Variants in RALYL observed in about 807,000 individuals in gnomAD.
The protein encoded by RALYL is RNA-binding Raly-like protein.
In RALYL, 29 loss-of-function variants were observed where a neutral mutation model predicts 35.1. That is an observed-to-expected ratio of 0.83 (90% CI 0.61 to 1.13). The LOEUF (loss-of-function observed/expected upper bound fraction) is 1.13, where lower values mean the gene tolerates loss of function less well. RALYL is among the 50% of genes most tolerant of loss of function. The pLI is 0.00. For missense variants in RALYL, 359 were observed against 360.4 expected (o/e 1.00, Z 0.03); for synonymous variants, 120 against 127.6 (o/e 0.94, Z 0.40).
At chr8:84,761,625 C>T (rs1310147600) in intron 2 of RALYL, among the ~76,000 whole-genome samples, 1 of 152,050 alleles carries the variant, frequency 6.6e-6, no homozygotes, top group African/African-American at 2.4e-5. Context: ...CACTTTTTAC[C>T]TTCCACAGCA....
Position 84,432,540 on chromosome 8 carries a change from C to T in RALYL, c.-23-96759C>T, listed in dbSNP as rs2047255812. On this transcript the variant is annotated intron_variant, in intron 1 of 8. Transcript: ENST00000521268. The stretch of plus-strand genomic sequence containing the variant: ...TGTTAAATGTTCTCACCACAATAAT[C>T]TGCATGGGTTGAATTGTGTCCCCCA... 3.9e-5 allele frequency among the ~76,000 whole-genome samples: 6 copies of T among 152,202 alleles called. No individual in the cohort carries two copies. The South Asian group carries it at 1.2e-3, about 32-fold the overall frequency.
chr8:84,577,274 G>C lies in RALYL; in HGVS notation c.256+47697G>C, dbSNP rs548063323. Among the ~76,000 whole-genome samples, 74 of 152,314 alleles carry C rather than the reference G, an allele frequency of 4.9e-4. 3 individuals carry two copies. The South Asian group carries it at 0.013, about 27-fold the overall frequency. ...GTACATTCACAAAGTTCAAGTAGTT[G>C]ATTGACTGAAGCTGAGCAGGAAAGG... is the stretch of plus-strand genomic sequence containing the variant. On this transcript the variant is annotated intron_variant, in intron 2 of 8. Coordinates refer to ENST00000521268, the MANE Select transcript of RALYL (RefSeq NM_173848.7).
At chr8:84,592,615 C>T (rs900222618) in intron 2 of RALYL, among the ~76,000 whole-genome samples, 7 of 151,998 alleles carry the variant, frequency 4.6e-5, no homozygotes, top group Admixed American at 2.6e-4. Flanking sequence ...TACTATTGAG[C>T]AAAGCTAATT....
intron 2 of RALYL, among the ~76,000 whole-genome samples, chr8:84,720,821 A>T (rs1843755750): frequency 6.6e-6 from 1 of 152,114 alleles, no homozygotes; most frequent in Admixed American, 6.6e-5. Context: ...TTAATAATGA[A>T]CAAAAGATCT....
At chr8:84,603,553 A>G (rs1816450391) in intron 2 of RALYL, among the ~76,000 whole-genome samples, 2 of 152,114 alleles carry the variant, frequency 1.3e-5, no homozygotes, top group Non-Finnish European at 2.9e-5. Flanking sequence ...TTGGCTTCAC[A>G]GTCACACCGT....
intron 2 of RALYL, among the ~76,000 whole-genome samples, chr8:84,668,689 T>C (rs1258279633): frequency 6.6e-6 from 1 of 152,118 alleles, no homozygotes; most frequent in East Asian, 1.9e-4. Context: ...GGTGAGTGGA[T>C]GTGAGGAAAG....
At chr8:84,752,224 G>A (rs181468223) in intron 2 of RALYL, among the ~76,000 whole-genome samples, 573 of 152,278 alleles carry the variant, frequency 3.8e-3, no homozygotes, top group African/African-American at 0.013. Flanking sequence ...CCTGCTCTAG[G>A]GATCTGCGGA....
intron 1 of RALYL, among the ~76,000 whole-genome samples, chr8:84,450,379 C>A (rs1483803908): frequency 1.3e-5 from 2 of 151,530 alleles, no homozygotes; most frequent in South Asian, 2.1e-4. Flanking sequence ...GCAGTAATGC[C>A]CTCTGAGAAG....
At chr8:84,247,723 G>C (rs1236699242) in intron 1 of RALYL, among the ~76,000 whole-genome samples, 2 of 152,100 alleles carry the variant, frequency 1.3e-5, no homozygotes, top group African/African-American at 4.8e-5. Context: ...ACCCCTTCAA[G>C]TGTAATAATA....
intron 1 of RALYL, among the ~76,000 whole-genome samples, chr8:84,228,154 CAAAAAAAAAA>C (rs57543989): frequency 1.6e-5 from 2 of 123,796 alleles, no homozygotes; most frequent in South Asian, 2.6e-4. Flanking sequence ...AATAGTCTAG[CAAAAAAAAAA>C]AAAAAAAAAA....
chr8:84,839,274 A>G (rs1832684925), intron 4 of RALYL, among the ~76,000 whole-genome samples: 1 of 152,210 alleles, frequency 6.6e-6, no homozygotes, highest in Non-Finnish European at 1.5e-5. Context: ...CCACCCTAAT[A>G]CTGCGCTTTT....
At chr8:84,452,927 T>C (rs1227183201) in intron 1 of RALYL, among the ~76,000 whole-genome samples, 1 of 151,976 alleles carries the variant, frequency 6.6e-6, no homozygotes, top group African/African-American at 2.4e-5. Flanking sequence ...TTCCTGATTT[T>C]ATATTCTTGA....
chr8:84,716,694 G>A (rs977329820), intron 2 of RALYL, among the ~76,000 whole-genome samples: 1 of 152,080 alleles, frequency 6.6e-6, no homozygotes, highest in African/African-American at 2.4e-5. Flanking sequence ...GAGTTTGTTT[G>A]CTTATTCACT....
intron 5 of RALYL, among the ~76,000 whole-genome samples, chr8:84,856,952 C>T (rs915554099): frequency 7.0e-6 from 1 of 142,308 alleles, no homozygotes; most frequent in Non-Finnish European, 1.5e-5. Context: ...GGCGTGAACC[C>T]GGGAAGCGGA....
intron 1 of RALYL, among the ~76,000 whole-genome samples, chr8:84,211,246 A>G (rs1054028738): frequency 6.6e-6 from 1 of 152,126 alleles, no homozygotes; most frequent in African/African-American, 2.4e-5. Flanking sequence ...GTACATCATC[A>G]TAACTCCTAC....
chr8:84,250,282 G>A (rs1006685968), intron 1 of RALYL, among the ~76,000 whole-genome samples: 7 of 152,008 alleles, frequency 4.6e-5, no homozygotes, highest in African/African-American at 1.7e-4. Flanking sequence ...AAAGCTTCAG[G>A]TGTGTCTTCC....
intron 2 of RALYL, among the ~76,000 whole-genome samples, chr8:84,568,235 T>C (rs2061931769): frequency 7.8e-6 from 1 of 127,802 alleles, no homozygotes; most frequent in Non-Finnish European, 1.6e-5. Context: ...GAGTGTGATG[T>C]TCCCCTTCCT....
chr8:84,714,858 G>A (rs776337320), intron 2 of RALYL, among the ~76,000 whole-genome samples: 60 of 151,852 alleles, frequency 4.0e-4, no homozygotes, highest in Admixed American at 1.4e-3. Context: ...AAAAGCATAG[G>A]GCTGTTACAG....
At chr8:84,560,741 A>T (rs1263911296) in intron 2 of RALYL, among the ~76,000 whole-genome samples, 1 of 151,942 alleles carries the variant, frequency 6.6e-6, no homozygotes. Context: ...GTAGACACGG[A>T]TGCTTGGGTT....
Sources: gnomAD v4.1 joint callset for allele counts (sites outside exome capture counted in the v4.1 genomes callset) on GRCh38, gnomAD v4.1.1 for gene constraint, MANE v1.5 for transcripts, NCBI Gene and HGNC (gene_info 2026-07-23, HGNC 2026-07-21) for gene names.